Variants in KEAP1 observed in about 807,000 individuals in gnomAD.
KEAP1 encodes the protein kelch-like ECH-associated protein 1.
KEAP1 carries 26 observed loss-of-function variants against 59.7 expected under a neutral mutation model. The ratio of observed to expected loss-of-function variants is 0.44; its 90% CI spans 0.32 to 0.60. KEAP1 has a LOEUF of 0.60. Ranked by LOEUF, KEAP1 falls within the 20% of genes least tolerant of loss-of-function variation. KEAP1 has a pLI of 0.06. For missense variants in KEAP1, 539 were observed against 871.4 expected, an observed-to-expected ratio of 0.62 and a Z score of 4.80; for synonymous variants, 350 against 358.3, an observed-to-expected ratio of 0.98 and a Z score of 0.26.
chr19:10,501,389 G>T (rs968571137), intron 1 of KEAP1, among the ~76,000 whole-genome samples: 1 of 151,872 alleles, frequency 6.6e-6, no homozygotes, highest in African/African-American at 2.4e-5. Flanking sequence ...CAGCACTTTG[G>T]GAGGCCGAGG....
chr19:10,500,008 C>T lies in KEAP1; in HGVS notation c.26G>A (p.Gly9Glu), dbSNP rs2144631498. ...CAGGAATCGGCAGCAGGCCCCAGCC[C>T]CGCTAGGCCTGGGATCTGGCTGCAT... MQPDPRPS[G>E]AGACCRFLPL... Residue 9 changes from glycine to glutamate, a missense_variant, in exon 2 of 6, where the codon GGG becomes GAG. This residue lies in a region of KEAP1 where 166 missense variants were observed against 295.8 expected (regional missense o/e 0.56). Coordinates refer to ENST00000171111, the MANE Select transcript of KEAP1 (RefSeq NM_203500.2). 4 of 1,565,550 alleles carry T rather than the reference C, an allele frequency of 2.6e-6. No individual in the cohort carries two copies. Among genetic ancestry groups the T allele is most frequent in the Non-Finnish European group, 3.5e-6 (4 of 1,152,236 alleles).
At chr19:10,497,123 CAAA>C (rs34492223) in intron 2 of KEAP1, among the ~76,000 whole-genome samples, 9 of 99,092 alleles carry the variant, frequency 9.1e-5, no homozygotes, top group African/African-American at 2.2e-4. Flanking sequence ...GACTCCGTCT[CAAA>C]AAAAAAAAAA....
In KEAP1 at chr19:10,486,539, T is replaced by C. The variant is rs943804079; in HGVS notation, c.*113A>G. 1 of 1,109,396 alleles carries C rather than the reference T, an allele frequency of 9.0e-7. No homozygotes were observed. The highest frequency in any genetic ancestry group is 2.1e-5 in the Admixed American group (1 of 46,628). 68.7% of individuals were successfully genotyped at this position (1,109,396 alleles called of 1,614,324 possible). A position where few individuals can be genotyped will look rare whatever the true frequency, so the allele number is the denominator to read the frequency against. On this transcript the variant is annotated 3_prime_UTR_variant, in exon 6 of 6. Transcript: ENST00000171111. ...TAACACTGAGGCATCCTGGCCTCCC[T>C]TCCCGGAAGATGGGTTATTTGCAGT...
intron 5 of KEAP1, among the ~76,000 whole-genome samples, chr19:10,488,007 A>T (rs35597394): frequency 0.064 from 9,776 of 152,226 alleles, 358 homozygotes; most frequent in Non-Finnish European, 0.071. Context: ...GCATGCCTGT[A>T]ACCTCAGCTA....
intron 2 of KEAP1, chr19:10,492,812 C>A (rs1914719362): frequency 6.6e-6 from 1 of 151,652 alleles, no homozygotes; most frequent in Admixed American, 6.6e-5. Context: ...GATCGTGTAC[C>A]CTGGGGTATC....
At chr19:10,493,702 C>T (rs1464332096) in intron 2 of KEAP1, among the ~76,000 whole-genome samples, 2 of 151,626 alleles carry the variant, frequency 1.3e-5, no homozygotes, top group African/African-American at 4.8e-5. Context: ...GCTGGGACTA[C>T]AGGGGCCCAC....
intron 2 of KEAP1, among the ~76,000 whole-genome samples, chr19:10,495,672 T>C (rs891518507): frequency 5.3e-5 from 8 of 151,404 alleles, no homozygotes; most frequent in Admixed American, 4.6e-4. Context: ...TACTCCAGCC[T>C]GAGCAACAGA....
intron 2 of KEAP1, among the ~76,000 whole-genome samples, chr19:10,498,199 CTT>C (rs35066564): frequency 2.4e-4 from 25 of 106,088 alleles, no homozygotes; most frequent in African/African-American, 3.2e-4. Context: ...CGCGCCCAGG[CTT>C]TTTTTTTTTT....
chr19:10,492,525 C>G, intron 2 of KEAP1: 1 of 461,476 alleles, frequency 2.2e-6, no homozygotes, highest in South Asian at 2.3e-5. Context: ...AGAGACAAGC[C>G]TGGCCAATAT....
chr19:10,500,034 G>C lies in KEAP1; in HGVS notation c.-1C>G. 6.5e-7 allele frequency: 1 copy of C among 1,542,488 alleles called. No homozygotes were observed. Among genetic ancestry groups the C allele is most frequent in the Admixed American group, 2.0e-5 (1 of 50,882 alleles). ...CGCTAGGCCTGGGATCTGGCTGCAT[G>C]GGGTTCCAGAAGATAAGCAACACCA... On this transcript the variant is annotated 5_prime_UTR_variant, in exon 2 of 6. Coordinates refer to ENST00000171111, the MANE Select transcript of KEAP1 (RefSeq NM_203500.2).
In KEAP1 at chr19:10,502,446, C is replaced by T. The variant is rs1175018985; in HGVS notation, c.-48+795G>A. 6.6e-6 allele frequency: 1 copy of T among 152,320 alleles called. No homozygotes were observed. Among genetic ancestry groups the T allele is most frequent in the African/African-American group, 2.4e-5 (1 of 41,452 alleles). 9.4% of individuals were successfully genotyped at this position (152,320 alleles called of 1,614,324 possible). On this transcript the variant is annotated intron_variant, in intron 1 of 5. Transcript: ENST00000171111. The surrounding 1 kb of genome is among the most constrained non-coding windows in gnomAD (Gnocchi z 4.0). ...ATCGAGCCCCTCAACGCCTCGGAGC[C>T]CCCGGGCCTCCTTCTGCGCAGCGCC...
rs376904889 is a variant in KEAP1, at chr19:10,488,769, A to G, written c.1708+423T>C. On this transcript the variant is annotated intron_variant, in intron 5 of 5. Coordinates refer to ENST00000171111, the MANE Select transcript of KEAP1 (RefSeq NM_203500.2). ...AACATGGTGAAACCCTGTCTCTACT[A>G]AAATACAAAAAATTAGCCTGGTGTG... 3.3e-5 allele frequency among the ~76,000 whole-genome samples: 5 copies of G among 151,846 alleles called. No homozygotes were observed. In the East Asian group the frequency reaches 7.8e-4, roughly 24 times the overall value.
rs1263063249 is a variant in KEAP1, at chr19:10,489,324, C to T, written c.1576G>A (p.Asp526Asn). ...ACGCTGTTCAGCTGGTCCTGACCATCATAGCCCCCAGCAGCATAGATACAG... is the reference window on the plus strand; with the variant it reads ...ACGCTGTTCAGCTGGTCCTGACCATTATAGCCCCCAGCAGCATAGATACAG... ...HNCIYAAGGY[D>N]GQDQLNSVER... Residue 526 changes from aspartate (D) to asparagine (N), a missense_variant, in exon 5 of 6, where the codon GAT becomes AAT. By Grantham distance (23) the Asp-to-Asn change is conservative. Coordinates refer to ENST00000171111, the MANE Select transcript of KEAP1 (RefSeq NM_203500.2). 6.2e-7 allele frequency: 1 copy of T among 1,613,918 alleles called. No individual in the cohort carries two copies. The highest frequency in any genetic ancestry group is 8.5e-7 in the Non-Finnish European group (1 of 1,180,000).
rs756706383 is a variant in KEAP1 at position 10,499,409 on chromosome 19, T to C, written c.625A>G (p.Met209Val). 3.1e-6 allele frequency: 5 copies of C among 1,605,202 alleles called. No homozygotes were observed. The highest frequency in any genetic ancestry group is 4.3e-6 in the Non-Finnish European group (5 of 1,176,280). ...TCCCCGCTCACCTCCCCAAAATGCA[T>C]GTAGATGTACTCCCGGGCACGCTGG... ...LHQRAREYIY[M>V]HFGEVAKQEE... The change falls in exon 2 of 6, where the codon ATG becomes GTG. Residue 209 changes from methionine to valine, a missense_variant. By Grantham distance (21) the Met-to-Val change is conservative. This residue lies in a region of KEAP1 where 166 missense variants were observed against 295.8 expected (regional missense o/e 0.56). Coordinates refer to ENST00000171111, the MANE Select transcript of KEAP1 (RefSeq NM_203500.2). This position sits in a 1 kb window ranked among gnomAD's most constrained non-coding sequence, Gnocchi z 6.7.
At position 10,493,383 on chromosome 19, in the gene KEAP1, C is replaced by T. The variant is rs545635762; in HGVS notation, c.640-1121G>A. 5.9e-5 allele frequency among the ~76,000 whole-genome samples: 9 copies of T among 151,694 alleles called. No individual in the cohort carries two copies. The East Asian group carries it at 9.8e-4, about 16-fold the overall frequency. On this transcript the variant is annotated intron_variant, in intron 2 of 5. Transcript: ENST00000171111. ...TTCACCGTGTTAGCCAGGATGGTCT[C>T]GATCTCCTGACCTTGTGATCCACCC... is the stretch of plus-strand genomic sequence containing the variant.
chr19:10,495,321 A>T (rs1347311830), intron 2 of KEAP1, among the ~76,000 whole-genome samples: 1 of 152,116 alleles, frequency 6.6e-6, no homozygotes, highest in Admixed American at 6.6e-5. Context: ...TTGTTTTTTA[A>T]AATGAAATCA....
intron 2 of KEAP1, among the ~76,000 whole-genome samples, chr19:10,494,064 C>A (rs1037937031): frequency 1.7e-4 from 26 of 152,208 alleles, no homozygotes; most frequent in African/African-American, 6.3e-4. Flanking sequence ...ACCTCAGCCT[C>A]CTGAGTCGCT....
intron 2 of KEAP1, among the ~76,000 whole-genome samples, chr19:10,497,737 C>G (rs1303215542): frequency 6.6e-6 from 1 of 152,026 alleles, no homozygotes. Context: ...AATTTAAAAA[C>G]TAAAAAATTA....
chr19:10,498,347 A>G (rs1914927799), intron 2 of KEAP1, among the ~76,000 whole-genome samples: 2 of 151,764 alleles, frequency 1.3e-5, no homozygotes, highest in African/African-American at 4.8e-5. Flanking sequence ...CTATAGTCAC[A>G]TGCCACTACA....
Sources: allele counts gnomAD v4.1 joint callset (sites outside exome capture counted in the v4.1 genomes callset), GRCh38; gene constraint gnomAD v4.1.1; regional missense constraint gnomAD v4.1.1; non-coding constraint Gnocchi (gnomAD v3.1); transcripts MANE v1.5; gene names NCBI Gene and HGNC (gene_info 2026-07-23, HGNC 2026-07-21).